Variants in GSE1 observed in about 807,000 individuals in gnomAD.
The protein encoded by GSE1 is genetic suppressor element 1.
Under a neutral mutation model 112.6 loss-of-function variants are expected in GSE1, and 32 were observed. The observed-to-expected ratio is 0.28, with a 90% confidence interval of 0.21 to 0.38. The LOEUF is 0.38. GSE1 is among the 10% of genes least tolerant of loss of function. The probability of loss-of-function intolerance (pLI) is 1.00; values close to 1 mark genes in which losing one functional copy is unlikely to be tolerated. For synonymous variants in GSE1, 1,115 were observed against 735.6 expected, an observed-to-expected ratio of 1.52 and a Z score of -8.35; for missense variants, 2,348 against 1,699.2, an observed-to-expected ratio of 1.38 and a Z score of -6.71.
chr16:85,221,776 C>A (rs970694449), intron 1 of GSE1, among the ~76,000 whole-genome samples: 10 of 152,320 alleles, frequency 6.6e-5, no homozygotes, highest in African/African-American at 2.2e-4. Context: ...CCCCCAGACA[C>A]CCTGGCATCT....
chr16:85,180,511 G>A (rs988203517), intron 1 of GSE1, among the ~76,000 whole-genome samples: 1 of 152,272 alleles, frequency 6.6e-6, no homozygotes, highest in African/African-American at 2.4e-5. Context: ...GCAGCAGAGG[G>A]CATTGATAGC....
At chr16:85,239,991 A>T (rs1362930174) in intron 1 of GSE1, among the ~76,000 whole-genome samples, 2 of 152,206 alleles carry the variant, frequency 1.3e-5, no homozygotes, top group Non-Finnish European at 2.9e-5. Context: ...GCTTCACTGT[A>T]AATGTCTGTG....
At chr16:85,403,663 A>G (rs1437662671) in intron 2 of GSE1, among the ~76,000 whole-genome samples, 1 of 152,010 alleles carries the variant, frequency 6.6e-6, no homozygotes, top group Admixed American at 6.5e-5. Flanking sequence ...TTAGCCGGGT[A>G]TGGTAGCACA....
intron 1 of GSE1, among the ~76,000 whole-genome samples, chr16:85,353,156 G>A (rs558062337): frequency 5.9e-5 from 9 of 152,334 alleles, no homozygotes; most frequent in Non-Finnish European, 7.3e-5. Flanking sequence ...AGGCTCAACC[G>A]TGGAGGAACC....
chr16:85,348,583 C>T (rs929825084), intron 1 of GSE1, among the ~76,000 whole-genome samples: 13 of 152,178 alleles, frequency 8.5e-5, no homozygotes, highest in Non-Finnish European at 1.6e-4. Context: ...CCCAGACATC[C>T]GGGGCAAGGT....
intron 1 of GSE1, among the ~76,000 whole-genome samples, chr16:85,585,233 T>G (rs1273577818): frequency 6.6e-6 from 1 of 152,188 alleles, no homozygotes. Flanking sequence ...TGCCCTGCTG[T>G]GTGTCACCGG....
intron 2 of GSE1, among the ~76,000 whole-genome samples, chr16:85,444,224 C>T (rs1269007809): frequency 6.6e-6 from 1 of 152,072 alleles, no homozygotes; most frequent in East Asian, 1.9e-4. Flanking sequence ...GACCTCGTGA[C>T]CCTCCCGCCT....
At chr16:85,514,159 GCT>G (rs1438364805) in intron 2 of GSE1, among the ~76,000 whole-genome samples, 11 of 148,242 alleles carry the variant, frequency 7.4e-5, no homozygotes, top group African/African-American at 2.8e-4. Flanking sequence ...CTCTTCCCCT[GCT>G]CTCTTTCTCC....
At position 85,613,489 on chromosome 16, in the gene GSE1, G is replaced by T; in HGVS notation, c.7+91G>T. The stretch of plus-strand genomic sequence containing the variant: ...CAAGTTCGCGGGTTTCGCGGGGGCG[G>T]CCGCCAACGGCTCCCGGGCAACTTC... On this transcript the variant is annotated intron_variant, in intron 1 of 15. Transcript: ENST00000253458. 4 of 1,158,068 alleles carry T rather than the reference G, an allele frequency of 3.5e-6. No homozygotes were observed. In the South Asian group the frequency reaches 4.6e-5, roughly 13 times the overall value. 71.7% of individuals were successfully genotyped at this position (1,158,068 alleles called of 1,614,324 possible). A position where few individuals can be genotyped will look rare whatever the true frequency, so the allele number is the denominator to read the frequency against.
intron 8 of GSE1, among the ~76,000 whole-genome samples, chr16:85,658,630 C>G (rs1056868304): frequency 6.6e-6 from 1 of 152,232 alleles, no homozygotes; most frequent in Non-Finnish European, 1.5e-5. Flanking sequence ...AGCTAAGTCT[C>G]CCTGTGGCTC....
chr16:85,197,398 A>G (rs1195157227), intron 1 of GSE1, among the ~76,000 whole-genome samples: 3 of 152,136 alleles, frequency 2.0e-5, no homozygotes, highest in Admixed American at 1.3e-4. Flanking sequence ...TCCTCGGGGA[A>G]TTTCTTACAT....
At chr16:85,212,323 T>G (rs754033855) in intron 1 of GSE1, among the ~76,000 whole-genome samples, 1 of 152,078 alleles carries the variant, frequency 6.6e-6, no homozygotes, top group Non-Finnish European at 1.5e-5. Flanking sequence ...GGAGAATCGC[T>G]TGAACCTGGG....
chr16:85,481,647 G>A (rs2050684410), intron 2 of GSE1, among the ~76,000 whole-genome samples: 1 of 152,170 alleles, frequency 6.6e-6, no homozygotes, highest in Admixed American at 6.5e-5. Flanking sequence ...CACTTTCCAG[G>A]AGCTGAGACG....
intron 2 of GSE1, among the ~76,000 whole-genome samples, chr16:85,471,328 C>T (rs1024630137): frequency 6.6e-6 from 1 of 152,364 alleles, no homozygotes; most frequent in East Asian, 1.9e-4. Context: ...CATTTAGTCA[C>T]AGTTTAAGAT....
chr16:85,648,918 C>T (rs575904148), intron 3 of GSE1, among the ~76,000 whole-genome samples, 167 bp downstream of exon 3: 4 of 152,260 alleles, frequency 2.6e-5, no homozygotes, highest in East Asian at 1.9e-4. Context: ...GACAGCGGCA[C>T]CCTCCTGGAG....
At chr16:85,569,225 G>A (rs757220055) in intron 1 of GSE1, among the ~76,000 whole-genome samples, 2 of 152,162 alleles carry the variant, frequency 1.3e-5, no homozygotes, top group African/African-American at 2.4e-5. Flanking sequence ...TGCCTAGAGC[G>A]CTGAGCCCAG....
intron 2 of GSE1, among the ~76,000 whole-genome samples, chr16:85,454,631 G>A (rs929707250): frequency 6.6e-6 from 1 of 152,208 alleles, no homozygotes; most frequent in South Asian, 2.1e-4. Context: ...TCAAGGTGTC[G>A]GCAGGACGCG....
chr16:85,661,141 C>G lies in GSE1; in HGVS notation c.1641-5C>G, dbSNP rs535303201. 1 of 1,573,830 alleles carries G rather than the reference C, an allele frequency of 6.4e-7. No individual in the cohort carries two copies. The highest frequency in any genetic ancestry group is 1.7e-5 in the Admixed American group (1 of 57,448). On this transcript the variant is annotated splice_polypyrimidine_tract_variant and splice_region_variant and intron_variant, in intron 8 of 15. Coordinates refer to ENST00000253458, the MANE Select transcript of GSE1 (RefSeq NM_014615.5). ...CCTGACTGAAGGGTTGGTTTCACTC[C>G]CTAGGCCAGGACCAAACCGTCACGA...
intron 1 of GSE1, among the ~76,000 whole-genome samples, chr16:85,326,891 C>T (rs565159354): frequency 6.6e-5 from 10 of 152,346 alleles, no homozygotes; most frequent in South Asian, 2.1e-4. Flanking sequence ...GTCTATTACC[C>T]GGTGACAAAT....
Sources: gnomAD v4.1 joint callset for allele counts (sites outside exome capture counted in the v4.1 genomes callset) on GRCh38, gnomAD v4.1.1 for gene constraint, MANE v1.5 for transcripts, NCBI Gene and HGNC (gene_info 2026-07-23, HGNC 2026-07-21) for gene names.